The following PTPRM variants were observed in gnomAD, a reference collection of about 807,000 sequenced individuals.
The protein encoded by PTPRM is receptor-type tyrosine-protein phosphatase mu.
A neutral mutation model predicts 186.7 loss-of-function variants in PTPRM; 47 were observed. The ratio of observed to expected loss-of-function variants is 0.25; its 90% confidence interval spans 0.20 to 0.32. PTPRM has a LOEUF of 0.32. Among genes scored for constraint, PTPRM ranks in the 10% least tolerant of loss-of-function variants. The pLI is 1.00. For synonymous variants in PTPRM, 668 were observed against 674.9 expected (o/e 0.99, Z 0.16); for missense variants, 1,494 against 1,865.0 (o/e 0.80, Z 3.66).
chr18:8,054,399 C>T (rs1222483902), intron 7 of PTPRM, among the ~76,000 whole-genome samples: 5 of 148,272 alleles, frequency 3.4e-5, no homozygotes, highest in Non-Finnish European at 7.4e-5. Flanking sequence ...CTACATTTCC[C>T]CTCACCCCTT....
At chr18:8,159,375 T>C (rs978818746) in intron 14 of PTPRM, among the ~76,000 whole-genome samples, 2 of 152,216 alleles carry the variant, frequency 1.3e-5, no homozygotes, top group African/African-American at 4.8e-5. Flanking sequence ...GGCACTGCTG[T>C]GGTGGAACTA....
intron 1 of PTPRM, among the ~76,000 whole-genome samples, chr18:7,598,579 C>G (rs1043404161): frequency 6.6e-6 from 1 of 152,122 alleles, no homozygotes; most frequent in Non-Finnish European, 1.5e-5. Flanking sequence ...TCTGGGTATC[C>G]TTTTATAACA....
intron 14 of PTPRM, among the ~76,000 whole-genome samples, chr18:8,148,703 T>C (rs1479112767): frequency 6.6e-6 from 1 of 152,148 alleles, no homozygotes; most frequent in African/African-American, 2.4e-5. Flanking sequence ...CTTTTGAATT[T>C]GTTTGTTGTT....
chr18:7,742,021 T>C (rs1443815321), intron 1 of PTPRM: 1 of 152,200 alleles, frequency 6.6e-6, no homozygotes, highest in Non-Finnish European at 1.5e-5. Context: ...TAATTACTTA[T>C]GCCATTAACA....
intron 2 of PTPRM, among the ~76,000 whole-genome samples, chr18:7,857,522 G>C (rs111278543): frequency 5.2e-4 from 79 of 152,242 alleles, no homozygotes; most frequent in African/African-American, 1.9e-3. Flanking sequence ...GCTGAAAGAC[G>C]TATGAGAATA....
intron 19 of PTPRM, among the ~76,000 whole-genome samples, chr18:8,263,508 G>A (rs772200503): frequency 1.3e-5 from 2 of 152,184 alleles, no homozygotes; most frequent in Non-Finnish European, 2.9e-5. Flanking sequence ...TCCTGACACT[G>A]AGCTCTTAAA....
At chr18:8,224,411 T>C (rs2094189494) in intron 14 of PTPRM, among the ~76,000 whole-genome samples, 1 of 152,238 alleles carries the variant, frequency 6.6e-6, no homozygotes. Flanking sequence ...CTTATTGTTA[T>C]GTTTTGAACT....
At chr18:8,206,230 G>T (rs1489870131) in intron 14 of PTPRM, among the ~76,000 whole-genome samples, 1 of 150,270 alleles carries the variant, frequency 6.7e-6, no homozygotes, top group Non-Finnish European at 1.5e-5. Flanking sequence ...GGCACAAAAA[G>T]ACTTTATCAA....
At chr18:8,273,073 T>C (rs1410567572) in intron 19 of PTPRM, among the ~76,000 whole-genome samples, 1 of 152,204 alleles carries the variant, frequency 6.6e-6, no homozygotes, top group African/African-American at 2.4e-5. Context: ...AACCCCTCTA[T>C]TTTAGTGGTG....
At chr18:8,234,894 G>A (rs1379673829) in intron 14 of PTPRM, among the ~76,000 whole-genome samples, 1 of 152,016 alleles carries the variant, frequency 6.6e-6, no homozygotes, top group African/African-American at 2.4e-5. Flanking sequence ...CATTTTTTGA[G>A]TTTCAAATGT....
At position 8,184,646 on chromosome 18, in the gene PTPRM, A is replaced by G. The variant is rs1332500910; in HGVS notation, c.2300+40867A>G. 3.3e-5 allele frequency among the ~76,000 whole-genome samples: 5 copies of G among 152,258 alleles called. No individual in the cohort carries two copies. The East Asian group carries it at 5.8e-4, about 18-fold the overall frequency. On this transcript the variant is annotated intron_variant, in intron 14 of 32. Transcript: ENST00000580170. ...AAGCTAAGGAAGACAATTTGCCCTA[A>G]TCTATAACACTGGCCTAAAGCTGAA... is the stretch of plus-strand genomic sequence containing the variant.
At chr18:8,260,053 A>G (rs1320963275) in intron 19 of PTPRM, among the ~76,000 whole-genome samples, 1 of 152,166 alleles carries the variant, frequency 6.6e-6, no homozygotes, top group Admixed American at 6.6e-5. Context: ...TAAAGAAAAA[A>G]GGTTCTGCAA....
intron 5 of PTPRM, among the ~76,000 whole-genome samples, chr18:7,939,653 A>G (rs1298136005): frequency 6.6e-6 from 1 of 152,182 alleles, no homozygotes; most frequent in African/African-American, 2.4e-5. Context: ...TAAGTGGACA[A>G]AAGATGGGTC....
chr18:7,955,762 T>G (rs890260603), intron 7 of PTPRM, among the ~76,000 whole-genome samples: 5 of 152,174 alleles, frequency 3.3e-5, no homozygotes, highest in African/African-American at 1.2e-4. Flanking sequence ...CTTGGGCCCC[T>G]TTGTTTTATG....
intron 2 of PTPRM, among the ~76,000 whole-genome samples, chr18:7,840,087 T>TG (rs1182736441): frequency 1.9e-3 from 16 of 8,610 alleles, no homozygotes; most frequent in East Asian, 0.021. Flanking sequence ...GGGGTGGAGG[T>TG]GGGGGGGGAG....
chr18:8,302,240 A>G (rs907353695), intron 20 of PTPRM, among the ~76,000 whole-genome samples: 1 of 152,214 alleles, frequency 6.6e-6, no homozygotes, highest in African/African-American at 2.4e-5. Flanking sequence ...TGGGACATGG[A>G]AAACAACTGA....
intron 6 of PTPRM, among the ~76,000 whole-genome samples, chr18:7,954,851 T>C (rs191335063): frequency 1.3e-5 from 2 of 152,348 alleles, no homozygotes; most frequent in African/African-American, 2.4e-5. Flanking sequence ...AATTTGCATA[T>C]GCTATGCACG....
At chr18:8,007,017 G>A (rs2084228520) in intron 7 of PTPRM, among the ~76,000 whole-genome samples, 1 of 152,162 alleles carries the variant, frequency 6.6e-6, no homozygotes, top group South Asian at 2.1e-4. Context: ...GGTAAGACTA[G>A]ATCTGTGCTC....
chr18:8,257,436 TTGGA>T (rs2094584935), intron 19 of PTPRM, among the ~76,000 whole-genome samples: 2 of 152,190 alleles, frequency 1.3e-5, no homozygotes, highest in Admixed American at 6.5e-5. Context: ...ATTCCTGTAC[TTGGA>T]TGGAGAGCTA....
Sources: allele counts gnomAD v4.1 joint callset (sites outside exome capture counted in the v4.1 genomes callset), GRCh38; gene constraint gnomAD v4.1.1; transcripts MANE v1.5; gene names NCBI Gene and HGNC (gene_info 2026-07-23, HGNC 2026-07-21).